Variants in LRRC4C observed in about 807,000 individuals in gnomAD.
LRRC4C encodes leucine-rich repeat-containing protein 4C.
Under a neutral mutation model 33.6 loss-of-function variants are expected in LRRC4C, and 5 were observed. That is an observed-to-expected ratio of 0.15 (90% CI 0.08 to 0.31). The LOEUF (loss-of-function observed/expected upper bound fraction) is 0.31, where lower values mean the gene tolerates loss of function less well. Among genes scored for constraint, LRRC4C ranks in the 10% least tolerant of loss-of-function variants. LRRC4C has a pLI of 1.00. For missense variants in LRRC4C, 560 were observed against 796.7 expected (o/e 0.70, Z 3.58); for synonymous variants, 329 against 302.0 (o/e 1.09, Z -0.93).
chr11:40,913,573 T>C (rs1956795392), intron 2 of LRRC4C, among the ~76,000 whole-genome samples: 1 of 151,976 alleles, frequency 6.6e-6, no homozygotes, highest in South Asian at 2.1e-4. Flanking sequence ...TTTATAGCAC[T>C]AAATGCCCAC....
At chr11:40,436,788 C>T (rs2137911714) in intron 3 of LRRC4C, among the ~76,000 whole-genome samples, 1 of 152,274 alleles carries the variant, frequency 6.6e-6, no homozygotes, top group East Asian at 1.9e-4. Context: ...TGGTGAAGAA[C>T]AGCACTGTCA....
intron 2 of LRRC4C, among the ~76,000 whole-genome samples, chr11:40,845,313 A>T (rs1174723765): frequency 6.6e-6 from 1 of 152,008 alleles, no homozygotes; most frequent in Non-Finnish European, 1.5e-5. Flanking sequence ...CTTGCCACCT[A>T]CATGTCGACA....
At chr11:40,679,391 G>A (rs959045442) in intron 2 of LRRC4C, among the ~76,000 whole-genome samples, 6 of 152,158 alleles carry the variant, frequency 3.9e-5, no homozygotes, top group South Asian at 2.1e-4. Flanking sequence ...CATAAGTAAC[G>A]AGGAGCGGAA....
chr11:41,218,869 G>C (rs1320312113), intron 1 of LRRC4C, among the ~76,000 whole-genome samples: 1 of 142,940 alleles, frequency 7.0e-6, no homozygotes, highest in Non-Finnish European at 1.5e-5. Context: ...CTGAATTCAC[G>C]CCATTCTCCT....
At chr11:41,002,960 G>A (rs1382014918) in intron 1 of LRRC4C, among the ~76,000 whole-genome samples, 1 of 151,946 alleles carries the variant, frequency 6.6e-6, no homozygotes, top group Non-Finnish European at 1.5e-5. Flanking sequence ...AATGTATTCT[G>A]TTATACATTA....
chr11:40,349,856 C>A (rs1947308864), intron 3 of LRRC4C, among the ~76,000 whole-genome samples: 1 of 152,054 alleles, frequency 6.6e-6, no homozygotes, highest in South Asian at 2.1e-4. Flanking sequence ...CACTTGTTTG[C>A]CATTTGTATG....
chr11:40,725,866 C>A (rs1947269206), intron 2 of LRRC4C, among the ~76,000 whole-genome samples: 1 of 152,084 alleles, frequency 6.6e-6, no homozygotes, highest in African/African-American at 2.4e-5. Flanking sequence ...CCTATTACAT[C>A]TTGCCTGAGA....
At chr11:40,384,246 G>A (rs1949016435) in intron 3 of LRRC4C, among the ~76,000 whole-genome samples, 1 of 152,028 alleles carries the variant, frequency 6.6e-6, no homozygotes, top group Non-Finnish European at 1.5e-5. Flanking sequence ...GGGCTGTAAA[G>A]ATGATGGTTA....
At chr11:40,993,661 T>C (rs1267563199) in intron 1 of LRRC4C, among the ~76,000 whole-genome samples, 3 of 152,192 alleles carry the variant, frequency 2.0e-5, no homozygotes, top group Non-Finnish European at 2.9e-5. Context: ...CATCTTTTTT[T>C]TTCCTTTTGA....
At chr11:41,097,037 C>G (rs936792510) in intron 1 of LRRC4C, among the ~76,000 whole-genome samples, 2 of 152,092 alleles carry the variant, frequency 1.3e-5, no homozygotes, top group Non-Finnish European at 2.9e-5. Context: ...AAGTTCCTAC[C>G]CACTGAAGCA....
At chr11:41,446,355 T>A (rs1447235963) in intron 1 of LRRC4C, among the ~76,000 whole-genome samples, 1 of 152,214 alleles carries the variant, frequency 6.6e-6, no homozygotes, top group Non-Finnish European at 1.5e-5. Context: ...CTAACCATCC[T>A]CTGCATTGGA....
chr11:41,118,908 T>G (rs1324381192), intron 1 of LRRC4C, among the ~76,000 whole-genome samples: 1 of 151,398 alleles, frequency 6.6e-6, no homozygotes, highest in African/African-American at 2.4e-5. Flanking sequence ...CCTTTTCTTA[T>G]CTTTTTTTTT....
chr11:40,359,214 G>T (rs1292097663), intron 3 of LRRC4C, among the ~76,000 whole-genome samples: 1 of 152,194 alleles, frequency 6.6e-6, no homozygotes. Flanking sequence ...CAGGATACCA[G>T]TATGTGGCCT....
At chr11:41,229,185 C>T (rs551951193) in intron 1 of LRRC4C, among the ~76,000 whole-genome samples, 1 of 152,172 alleles carries the variant, frequency 6.6e-6, no homozygotes, top group Admixed American at 6.6e-5. Context: ...ATTTGGAGAT[C>T]AGGTCACTGG....
chr11:40,773,612 AT>A (rs1949856357), intron 2 of LRRC4C, among the ~76,000 whole-genome samples: 1 of 152,092 alleles, frequency 6.6e-6, no homozygotes, highest in South Asian at 2.1e-4. Flanking sequence ...ATATGAAGAA[AT>A]TAAAAAACAT....
intron 4 of LRRC4C, among the ~76,000 whole-genome samples, chr11:40,266,663 G>A (rs1942281748): frequency 6.6e-6 from 1 of 152,150 alleles, no homozygotes; most frequent in Non-Finnish European, 1.5e-5. Context: ...AGAAGGCACA[G>A]ACATTTGTTG....
chr11:41,324,695 T>C (rs1428703453), intron 1 of LRRC4C, among the ~76,000 whole-genome samples: 1 of 152,162 alleles, frequency 6.6e-6, no homozygotes, highest in Non-Finnish European at 1.5e-5. Flanking sequence ...CTACTGTTGA[T>C]GAGATGAAGA....
At chr11:40,490,492 A>T (rs966158794) in intron 3 of LRRC4C, among the ~76,000 whole-genome samples, 2 of 152,044 alleles carry the variant, frequency 1.3e-5, no homozygotes, top group African/African-American at 4.8e-5. Context: ...AATTACTTAG[A>T]TTTTTATATT....
intron 1 of LRRC4C, among the ~76,000 whole-genome samples, chr11:41,058,758 A>G (rs1216850323): frequency 1.3e-5 from 2 of 152,232 alleles, no homozygotes; most frequent in Non-Finnish European, 2.9e-5. Context: ...ACATGCACAT[A>G]TATGTTCATC....
Sources: gnomAD v4.1 joint callset for allele counts (sites outside exome capture counted in the v4.1 genomes callset) on GRCh38, gnomAD v4.1.1 for gene constraint, MANE v1.5 for transcripts, NCBI Gene and HGNC (gene_info 2026-07-23, HGNC 2026-07-21) for gene names.